Variants in NFKB1 observed in about 807,000 individuals in gnomAD.
The protein encoded by NFKB1 is nuclear factor NF-kappa-B p105 subunit.
A neutral mutation model predicts 105.1 loss-of-function variants in NFKB1; 9 were observed. The observed-to-expected ratio is 0.09, with a 90% confidence interval of 0.05 to 0.15. The LOEUF is 0.15. Among genes scored for constraint, NFKB1 ranks in the 10% least tolerant of loss-of-function variants. The pLI is 1.00. For missense variants in NFKB1, 830 were observed against 1,203.7 expected, an observed-to-expected ratio of 0.69 and a Z score of 4.59; for synonymous variants, 440 against 442.2, an observed-to-expected ratio of 1.00 and a Z score of 0.06.
chr4:102,510,931 A>T (rs893087769), intron 1 of NFKB1: 2 of 1,285,480 alleles, frequency 1.6e-6, no homozygotes, highest in Non-Finnish European at 2.0e-6. Flanking sequence ...TATCTTGGAG[A>T]TATGAAAAGA....
chr4:102,515,585 T>A (rs1740121855), intron 1 of NFKB1, among the ~76,000 whole-genome samples: 1 of 152,198 alleles, frequency 6.6e-6, no homozygotes, highest in African/African-American at 2.4e-5. Context: ...CTTTCTAAAG[T>A]GGTTACTTTA....
At chr4:102,534,269 A>G (rs1475746169) in intron 4 of NFKB1, among the ~76,000 whole-genome samples, 2 of 152,178 alleles carry the variant, frequency 1.3e-5, no homozygotes, top group African/African-American at 2.4e-5. Flanking sequence ...ATATCCATCT[A>G]TTATCCTTGC....
In NFKB1 at chr4:102,554,816, G is replaced by A. The variant is rs559164960; in HGVS notation, c.259-12171G>A. 4.6e-5 allele frequency among the ~76,000 whole-genome samples: 7 copies of A among 152,236 alleles called. 1 individual carries two copies. In the East Asian group the frequency reaches 1.4e-3, roughly 29 times the overall value. On this transcript the variant is annotated intron_variant, in intron 5 of 23. Coordinates refer to ENST00000226574, the MANE Select transcript of NFKB1 (RefSeq NM_003998.4). ...TGGTTTTACCTAGAGCCAACCCTTG[G>A]TGATTGTTTGCCTCCTTGGCCAAGC... is the stretch of plus-strand genomic sequence containing the variant.
At chr4:102,569,651 A>G (rs1235395944) in intron 6 of NFKB1, among the ~76,000 whole-genome samples, 1 of 152,132 alleles carries the variant, frequency 6.6e-6, no homozygotes, top group Non-Finnish European at 1.5e-5. Context: ...ATATCCAAAA[A>G]ATGGCAATGA....
chr4:102,600,961 T>C lies in NFKB1; in HGVS notation c.1704T>C (p.Ser568=). The C allele has an allele frequency of 6.2e-7, 1 of 1,612,860 alleles. No homozygotes were observed. ...QLVRDLLEVT[S]GLISDDIINM... ...TGAGGGATCTACTAGAAGTCACATC[T>C]GGTTTGATTTCTGATGACATTATCA... The change falls in exon 16 of 24, where the codon TCT becomes TCC. Residue 568 remains serine, a synonymous_variant. Transcript: ENST00000226574.
intron 14 of NFKB1, 56 bp from the exon 15 acceptor site, chr4:102,597,464 T>TA (rs1726721725): frequency 6.5e-7 from 1 of 1,547,822 alleles, no homozygotes; most frequent in African/African-American, 1.4e-5. Flanking sequence ...AAGCATGCCA[T>TA]ACCCATAAAA....
At chr4:102,586,769 G>C (rs1725744081) in intron 11 of NFKB1, among the ~76,000 whole-genome samples, 1 of 152,218 alleles carries the variant, frequency 6.6e-6, no homozygotes, top group African/African-American at 2.4e-5. Context: ...AGGGAGGTCA[G>C]TAAAATGATT....
Position 102,612,471 on chromosome 4 carries a change from G to A in NFKB1, c.2457G>A (p.Gln819=). Residue 819 remains glutamine (Q), a synonymous_variant, in exon 22 of 24, where the codon CAG becomes CAA. Transcript: ENST00000226574. ...MKQLAEDVKL[Q]LYKLLEIPDP... is the part of the protein sequence containing the mutation. Reference sequence around the variant, plus strand: ...AGCTGGCTGAAGATGTGAAGCTGCAGCTGTATAAGTTACTAGAAATTCCTG... The same window carrying A: ...AGCTGGCTGAAGATGTGAAGCTGCAACTGTATAAGTTACTAGAAATTCCTG... 6.2e-7 allele frequency: 1 copy of A among 1,613,700 alleles called. No homozygotes were observed. The highest frequency in any genetic ancestry group is 1.7e-4 in the Middle Eastern group (1 of 5,722).
At chr4:102,510,844 G>A in intron 1 of NFKB1, 2 of 763,334 alleles carry the variant, frequency 2.6e-6, no homozygotes, top group Non-Finnish European at 1.7e-6. Flanking sequence ...GGAGGTGGTG[G>A]TAGTATGAGC....
chr4:102,567,203 T>A (rs1578771540), intron 6 of NFKB1, 68 bp downstream of exon 6: 1 of 1,533,968 alleles, frequency 6.5e-7, no homozygotes. Context: ...GAACTTAGAA[T>A]GAACAGGCCC....
At chr4:102,545,991 G>A (rs1373039959) in intron 5 of NFKB1, among the ~76,000 whole-genome samples, 6 of 152,052 alleles carry the variant, frequency 3.9e-5, no homozygotes, top group Non-Finnish European at 8.8e-5. Flanking sequence ...AGTGGCTCAC[G>A]CCTATAATCC....
chr4:102,611,393 A>C (rs28440950), intron 20 of NFKB1, among the ~76,000 whole-genome samples: 46 of 152,196 alleles, frequency 3.0e-4, no homozygotes, highest in Middle Eastern at 3.4e-3. Context: ...TTTCCCCAGA[A>C]GGCCTTGCCA....
At position 102,537,844 on chromosome 4, in the gene NFKB1, G is replaced by T. The variant is rs773783834; in HGVS notation, c.160-14G>T. ...ATTTCTCAAACTTAATTGGCTTAAC[G>T]TTCACCTTTGCAGAGAGGATTTCGT... On this transcript the variant is annotated splice_polypyrimidine_tract_variant and intron_variant, in intron 4 of 23. Transcript: ENST00000226574. 1.3e-6 allele frequency: 2 copies of T among 1,541,574 alleles called. No individual in the cohort carries two copies. The highest frequency in any genetic ancestry group is 1.8e-6 in the Non-Finnish European group (2 of 1,117,010).
At chr4:102,529,991 C>T in intron 3 of NFKB1, 77 bp downstream of exon 3, 1 of 1,026,650 alleles carries the variant, frequency 9.7e-7, no homozygotes, top group Non-Finnish European at 1.5e-6. Flanking sequence ...AATAGTCTGT[C>T]CTAGAAACTC....
chr4:102,544,247 T>G (rs1424373348), intron 5 of NFKB1, among the ~76,000 whole-genome samples: 1 of 152,214 alleles, frequency 6.6e-6, no homozygotes. Flanking sequence ...TCTTTTTAAA[T>G]GATCTATGTA....
chr4:102,599,815 T>A (rs1199929550), intron 15 of NFKB1, among the ~76,000 whole-genome samples: 1 of 152,224 alleles, frequency 6.6e-6, no homozygotes, highest in Non-Finnish European at 1.5e-5. Context: ...ATGCTTAGCA[T>A]AGTCTGGTAA....
chr4:102,567,084 G>C lies in NFKB1; in HGVS notation c.356G>C (p.Cys119Ser). The C allele has an allele frequency of 6.2e-7, 1 of 1,614,020 alleles. No homozygotes were observed. Among genetic ancestry groups the C allele is most frequent in the Non-Finnish European group, 8.5e-7 (1 of 1,179,880 alleles). The change falls in exon 6 of 24, where the codon TGT becomes TCT. Residue 119 changes from cysteine (C) to serine (S), a missense_variant. Physicochemically the swap from Cys to Ser is moderately radical, Grantham distance 112 (BLOSUM62 -1). Transcript: ENST00000226574. ...LHAHSLVGKH[C>S]EDGICTVTAG... The stretch of plus-strand genomic sequence containing the variant: ...GCCCACAGCCTGGTGGGAAAACACT[G>C]TGAGGATGGGATCTGCACTGTAACT...
At chr4:102,595,041 G>T (rs1048392702) in intron 13 of NFKB1, 60 bp downstream of exon 13, 5 of 1,184,508 alleles carry the variant, frequency 4.2e-6, no homozygotes, top group South Asian at 3.9e-5. Flanking sequence ...GCTAAAAAGG[G>T]TTTTTAAAAT....
chr4:102,593,267 T>C lies in NFKB1; in HGVS notation c.1067-158T>C, dbSNP rs528292090. On this transcript the variant is annotated intron_variant, in intron 11 of 23. Coordinates refer to ENST00000226574, the MANE Select transcript of NFKB1 (RefSeq NM_003998.4). ...CAGCCTTCATACCCATTGGAATAAATATAACGCTTCTTGAAATTTACCATC... is the reference window on the plus strand; with the variant it reads ...CAGCCTTCATACCCATTGGAATAAACATAACGCTTCTTGAAATTTACCATC... 4.4e-5 allele frequency: 32 copies of C among 726,732 alleles called. No homozygotes were observed. The South Asian group carries it at 6.0e-4, about 14-fold the overall frequency. The allele number at this position is 726,732 out of a possible 1,614,324, so 45.0% of individuals were successfully genotyped here. A position where few individuals can be genotyped will look rare whatever the true frequency, so the allele number is the denominator to read the frequency against.
Sources: gnomAD v4.1 joint callset for allele counts (sites outside exome capture counted in the v4.1 genomes callset) on GRCh38, gnomAD v4.1.1 for gene constraint, MANE v1.5 for transcripts, NCBI Gene and HGNC (gene_info 2026-07-23, HGNC 2026-07-21) for gene names.